AGPAT4: variants seen among roughly 807,000 people sequenced by gnomAD.
AGPAT4 encodes the protein 1-acylglycerol-3-phosphate O-acyltransferase 4, also known as 1-acyl-sn-glycerol-3-phosphate acyltransferase delta.
AGPAT4 carries 15 observed loss-of-function variants against 48.0 expected under a neutral mutation model. The observed-to-expected ratio is 0.31, with a 90% confidence interval of 0.21 to 0.48. The LOEUF is 0.48. AGPAT4 is among the 20% of genes least tolerant of loss of function. The probability of loss-of-function intolerance (pLI) is 0.99; values close to 1 mark genes in which losing one functional copy is unlikely to be tolerated. For synonymous variants in AGPAT4, 178 were observed against 198.7 expected (o/e 0.90, Z 0.88); for missense variants, 314 against 482.5 (o/e 0.65, Z 3.27).
At chr6:161,152,265 A>T (rs1367032346) in intron 5 of AGPAT4, among the ~76,000 whole-genome samples, 2 of 148,744 alleles carry the variant, frequency 1.3e-5, no homozygotes, top group Admixed American at 1.4e-4. Flanking sequence ...ACTGGTTAAC[A>T]GGGCTAAGGG....
Position 161,254,400 on chromosome 6 carries a change from T to C in AGPAT4, c.-90+19538A>G, listed in dbSNP as rs1287924647. Reference sequence around the variant, plus strand: ...TTCACATCAGCCTAACTGATAACACTATTGAGGGCATAAAGTAAGATGAAC... The same window carrying C: ...TTCACATCAGCCTAACTGATAACACCATTGAGGGCATAAAGTAAGATGAAC... On this transcript the variant is annotated intron_variant, in intron 1 of 8. Coordinates refer to ENST00000320285, the MANE Select transcript of AGPAT4 (RefSeq NM_020133.3). This position sits in a 1 kb window ranked among gnomAD's most constrained non-coding sequence, Gnocchi z 5.9. Among the ~76,000 whole-genome samples the C allele has an allele frequency of 6.6e-6, 1 of 152,206 alleles. No individual in the cohort carries two copies. Among genetic ancestry groups the C allele is most frequent in the Non-Finnish European group, 1.5e-5 (1 of 68,040 alleles).
Position 161,206,068 on chromosome 6 carries a change from T to A in AGPAT4, c.178+25968A>T, listed in dbSNP as rs1037861781. Among the ~76,000 whole-genome samples, 1 of 152,058 alleles carries A rather than the reference T, an allele frequency of 6.6e-6. No homozygotes were observed. Among genetic ancestry groups the A allele is most frequent in the Non-Finnish European group, 1.5e-5 (1 of 68,024 alleles). The stretch of plus-strand genomic sequence containing the variant: ...CGTATGTTTTTTCAAGCCCGTGCGA[T>A]GTAGACAAAAAAAGCCCCAAGAAAA... On this transcript the variant is annotated intron_variant, in intron 2 of 8. Transcript: ENST00000320285. The surrounding 1 kb of genome is among the most constrained non-coding windows in gnomAD (Gnocchi z 4.8).
In AGPAT4 at chr6:161,206,268, G is replaced by A. The variant is rs1343186896; in HGVS notation, c.178+25768C>T. On this transcript the variant is annotated intron_variant, in intron 2 of 8. Coordinates refer to ENST00000320285, the MANE Select transcript of AGPAT4 (RefSeq NM_020133.3). This position sits in a 1 kb window ranked among gnomAD's most constrained non-coding sequence, Gnocchi z 4.8. Reference sequence around the variant, plus strand: ...GTAATTTCACATCCTCTACCTGCTGGGTGACCGATGTCATAGAAGGCTAAG... The same window carrying A: ...GTAATTTCACATCCTCTACCTGCTGAGTGACCGATGTCATAGAAGGCTAAG... Among the ~76,000 whole-genome samples, 1 of 152,056 alleles carries A rather than the reference G, an allele frequency of 6.6e-6. No individual in the cohort carries two copies. Among genetic ancestry groups the A allele is most frequent in the Admixed American group, 6.6e-5 (1 of 15,252 alleles).
rs755452224 is a variant in AGPAT4 at position 161,149,238 on chromosome 6, G to A, written c.716C>T (p.Thr239Ile). 6.2e-7 allele frequency: 1 copy of A among 1,613,440 alleles called. No homozygotes were observed. The change falls in exon 6 of 9, where the codon ACA (threonine) becomes ATA (isoleucine). Residue 239 changes from threonine to isoleucine, a missense_variant. By Grantham distance (89) the Thr-to-Ile change is moderately conservative (BLOSUM62 -1). Coordinates refer to ENST00000320285, the MANE Select transcript of AGPAT4 (RefSeq NM_020133.3). The surrounding 1 kb of genome is among the most constrained non-coding windows in gnomAD (Gnocchi z 6.5). ...TLNFRNNENP[T>I]LLGVLNGKKY... ...CTTTCCGTTTAGGACTCCCAGCAGT[G>A]TTGGATTTTCATTATTTCTGAAATT...
rs1195687188 is a variant in AGPAT4, at chr6:161,216,162, C to CTATG, written c.178+15873_178+15874insCATA. Among the ~76,000 whole-genome samples, 1 of 152,250 alleles carries CTATG rather than the reference C, an allele frequency of 6.6e-6. No homozygotes were observed. The highest frequency in any genetic ancestry group is 2.4e-5 in the African/African-American group (1 of 41,466). ...CATAGTCTGACAAAGGAGACTAACA[C>CTATG]TCTTAGACACAAATACAAGTTGGAG... On this transcript the variant is annotated intron_variant, in intron 2 of 8. Coordinates refer to ENST00000320285, the MANE Select transcript of AGPAT4 (RefSeq NM_020133.3). This position sits in a 1 kb window ranked among gnomAD's most constrained non-coding sequence, Gnocchi z 4.8.
chr6:161,258,727 A>G (rs1328151299), intron 1 of AGPAT4, among the ~76,000 whole-genome samples: 1 of 152,158 alleles, frequency 6.6e-6, no homozygotes. Context: ...GGTTGTAGCA[A>G]GACTTGGTTG....
Position 161,141,402 on chromosome 6 carries a change from A to G in AGPAT4, c.844-1782T>C, listed in dbSNP as rs1481066089. ...AGAGCGATCAGATGGTGGAGGAGACAAGGAGGTGAGCACCATGACGGTCAG... is the reference window on the plus strand; with the variant it reads ...AGAGCGATCAGATGGTGGAGGAGACGAGGAGGTGAGCACCATGACGGTCAG... On this transcript the variant is annotated intron_variant, in intron 7 of 8. Transcript: ENST00000320285. This position sits in a 1 kb window ranked among gnomAD's most constrained non-coding sequence, Gnocchi z 6.7. Among the ~76,000 whole-genome samples the G allele has an allele frequency of 6.6e-6, 1 of 152,080 alleles. No homozygotes were observed. Among genetic ancestry groups the G allele is most frequent in the Non-Finnish European group, 1.5e-5 (1 of 68,014 alleles).
At position 161,255,692 on chromosome 6, in the gene AGPAT4, T is replaced by C. The variant is rs1254420567; in HGVS notation, c.-90+18246A>G. ...TAGGCCAATGCATGGAGACAGAAAG[T>C]GAACTTGTGGTTGTCTAGGGCTGGA... On this transcript the variant is annotated intron_variant, in intron 1 of 8. Transcript: ENST00000320285. This position sits in a 1 kb window ranked among gnomAD's most constrained non-coding sequence, Gnocchi z 4.7. 6.6e-6 allele frequency among the ~76,000 whole-genome samples: 1 copy of C among 151,916 alleles called. No homozygotes were observed. The highest frequency in any genetic ancestry group is 2.4e-5 in the African/African-American group (1 of 41,418).
At chr6:161,167,215 C>A (rs1266429597) in intron 2 of AGPAT4, among the ~76,000 whole-genome samples, 1 of 151,996 alleles carries the variant, frequency 6.6e-6, no homozygotes, top group Non-Finnish European at 1.5e-5. Flanking sequence ...GAGTGCTCTG[C>A]GAGGGTTGTG....
Position 161,165,998 on chromosome 6 carries a change from G to A in AGPAT4, c.348+250C>T. 1 of 617,470 alleles carries A rather than the reference G, an allele frequency of 1.6e-6. No homozygotes were observed. Among genetic ancestry groups the A allele is most frequent in the East Asian group, 2.7e-5 (1 of 36,466 alleles). 38.2% of individuals were successfully genotyped at this position (617,470 alleles called of 1,614,324 possible). A position where few individuals can be genotyped will look rare whatever the true frequency, so the allele number is the denominator to read the frequency against. On this transcript the variant is annotated intron_variant, in intron 3 of 8. Coordinates refer to ENST00000320285, the MANE Select transcript of AGPAT4 (RefSeq NM_020133.3). The surrounding 1 kb of genome is among the most constrained non-coding windows in gnomAD (Gnocchi z 5.5). The stretch of plus-strand genomic sequence containing the variant: ...CATCATCTATTCATGTTGCTGTAAG[G>A]ATTAAATAAATGAATCATATGTAAA...
chr6:161,243,579 A>G lies in AGPAT4; in HGVS notation c.-89-11277T>C, dbSNP rs1424701081. On this transcript the variant is annotated intron_variant, in intron 1 of 8. Coordinates refer to ENST00000320285, the MANE Select transcript of AGPAT4 (RefSeq NM_020133.3). This position sits in a 1 kb window ranked among gnomAD's most constrained non-coding sequence, Gnocchi z 4.8. ...TGAGCCTCCGGGTCTGTATCTGCTA[A>G]TGGAGGTGAAATTCCCTGCCTCCCA... Among the ~76,000 whole-genome samples the G allele has an allele frequency of 6.6e-6, 1 of 152,144 alleles. No homozygotes were observed. Among genetic ancestry groups the G allele is most frequent in the Non-Finnish European group, 1.5e-5 (1 of 68,028 alleles).
In AGPAT4 at chr6:161,166,930, CG is replaced by C. The variant is rs1304181946; in HGVS notation, c.179-514del. Among the ~76,000 whole-genome samples, 1 of 152,068 alleles carries C rather than the reference CG, an allele frequency of 6.6e-6. No individual in the cohort carries two copies. The highest frequency in any genetic ancestry group is 1.5e-5 in the Non-Finnish European group (1 of 68,024). ...AGGAGCCCCAGCACCTGCAGGGCAG[CG>C]GGAGTGAGAGTCAGCCCACAGCAGG... is the stretch of plus-strand genomic sequence containing the variant. On this transcript the variant is annotated intron_variant, in intron 2 of 8. Transcript: ENST00000320285. The surrounding 1 kb of genome is among the most constrained non-coding windows in gnomAD (Gnocchi z 6.7).
rs1224932175 is a variant in AGPAT4, at chr6:161,202,344, T to G, written c.178+29692A>C. The stretch of plus-strand genomic sequence containing the variant: ...TCCTCTTCTCATGGGCCCGTCTGAG[T>G]GATGCCTGAATGTCTTCATGCTTGA... On this transcript the variant is annotated intron_variant, in intron 2 of 8. Transcript: ENST00000320285. This position sits in a 1 kb window ranked among gnomAD's most constrained non-coding sequence, Gnocchi z 5.4. 6.6e-6 allele frequency among the ~76,000 whole-genome samples: 1 copy of G among 151,832 alleles called. No homozygotes were observed. Among genetic ancestry groups the G allele is most frequent in the Non-Finnish European group, 1.5e-5 (1 of 67,972 alleles).
In AGPAT4 at chr6:161,236,701, C is replaced by T. The variant is rs1007850244; in HGVS notation, c.-89-4399G>A. On this transcript the variant is annotated intron_variant, in intron 1 of 8. Transcript: ENST00000320285. The surrounding 1 kb of genome is among the most constrained non-coding windows in gnomAD (Gnocchi z 5.0). ...GGTGGATCACTTGAGGTCAGGAGTTCGAAACCAGCCTGGTGAAACCCCATC... is the reference window on the plus strand; with the variant it reads ...GGTGGATCACTTGAGGTCAGGAGTTTGAAACCAGCCTGGTGAAACCCCATC... Among the ~76,000 whole-genome samples, 4 of 150,788 alleles carry T rather than the reference C, an allele frequency of 2.7e-5. No individual in the cohort carries two copies. Among genetic ancestry groups the T allele is most frequent in the Admixed American group, 6.6e-5 (1 of 15,120 alleles).
In AGPAT4 at chr6:161,272,705, A is replaced by AACACACACACACACACACACACACAC. The variant is rs3043142; in HGVS notation, c.-90+1207_-90+1232dup. ...TCCCTGCCCGCCTCCCATTTCCCTA[A>AACACACACACACACACACACACACAC]ACACACACACACACACACACACACA... On this transcript the variant is annotated intron_variant, in intron 1 of 8. Coordinates refer to ENST00000320285, the MANE Select transcript of AGPAT4 (RefSeq NM_020133.3). The surrounding 1 kb of genome is among the most constrained non-coding windows in gnomAD (Gnocchi z 4.2). 1.4e-5 allele frequency among the ~76,000 whole-genome samples: 2 copies of AACACACACACACACACACACACACAC among 147,084 alleles called. No individual in the cohort carries two copies. The highest frequency in any genetic ancestry group is 5.0e-5 in the African/African-American group (2 of 39,804).
intron 2 of AGPAT4, among the ~76,000 whole-genome samples, chr6:161,168,628 C>T (rs1282806083): frequency 3.3e-5 from 5 of 152,070 alleles, no homozygotes; most frequent in Admixed American, 6.5e-5. Context: ...CAACAAATGC[C>T]GCGTGATTAC....
rs1779525763 is a variant in AGPAT4, at chr6:161,149,386, A to G, written c.665-97T>C. 9.7e-7 allele frequency: 1 copy of G among 1,030,510 alleles called. No individual in the cohort carries two copies. The highest frequency in any genetic ancestry group is 1.4e-6 in the Non-Finnish European group (1 of 732,572). The allele number at this position is 1,030,510 out of a possible 1,614,324, so 63.8% of individuals were successfully genotyped here. On this transcript the variant is annotated intron_variant, in intron 5 of 8. Transcript: ENST00000320285. This position sits in a 1 kb window ranked among gnomAD's most constrained non-coding sequence, Gnocchi z 6.5. ...TTGGAAGACAATAATCAAATGGCTA[A>G]CTGCTTATCTAGAAATGGTGTGGTC...
rs778550647 is a variant in AGPAT4 at position 161,131,587 on chromosome 6, G to C, written c.*4953C>G. The C allele has an allele frequency of 2.0e-5, 3 of 152,402 alleles. No individual in the cohort carries two copies. Among genetic ancestry groups the C allele is most frequent in the Admixed American group, 2.0e-4 (3 of 15,292 alleles). The allele number at this position is 152,402 out of a possible 1,614,324, so 9.4% of individuals were successfully genotyped here. A position where few individuals can be genotyped will look rare whatever the true frequency, so the allele number is the denominator to read the frequency against. ...GGGCCATGAGGGTGAGGCCCTGCTGGGGGGGCAGGGCAGGGCTGTGAGCTC... is the reference window on the plus strand; with the variant it reads ...GGGCCATGAGGGTGAGGCCCTGCTGCGGGGGCAGGGCAGGGCTGTGAGCTC... On this transcript the variant is annotated 3_prime_UTR_variant, in exon 9 of 9. Transcript: ENST00000320285.
rs1250486467 is a variant in AGPAT4 at position 161,217,997 on chromosome 6, A to G, written c.178+14039T>C. On this transcript the variant is annotated intron_variant, in intron 2 of 8. Coordinates refer to ENST00000320285, the MANE Select transcript of AGPAT4 (RefSeq NM_020133.3). The surrounding 1 kb of genome is among the most constrained non-coding windows in gnomAD (Gnocchi z 4.9). ...CACCTTGTAGCGTAGAGCATGTTCT[A>G]TGTGATGCCTGCAAAGACCAATTGA... 6.6e-6 allele frequency among the ~76,000 whole-genome samples: 1 copy of G among 152,234 alleles called. No individual in the cohort carries two copies. The highest frequency in any genetic ancestry group is 2.4e-5 in the African/African-American group (1 of 41,462).
Sources: allele counts gnomAD v4.1 joint callset (sites outside exome capture counted in the v4.1 genomes callset), GRCh38; gene constraint gnomAD v4.1.1; non-coding constraint Gnocchi (gnomAD v3.1); transcripts MANE v1.5; gene names NCBI Gene and HGNC (gene_info 2026-07-23, HGNC 2026-07-21).